PCDHA11: variants seen among roughly 807,000 people sequenced by gnomAD.
PCDHA11 encodes the protein protocadherin alpha-11.
PCDHA11 carries 61 observed loss-of-function variants against 70.3 expected under a neutral mutation model. That is an observed-to-expected ratio of 0.87 (90% CI 0.71 to 1.07). PCDHA11 has a LOEUF of 1.07. Ranked by LOEUF, PCDHA11 falls within the 50% of genes least tolerant of loss-of-function variation. The probability of loss-of-function intolerance (pLI) is 0.00; values close to 1 mark genes in which losing one functional copy is unlikely to be tolerated. For synonymous variants in PCDHA11, 633 were observed against 555.1 expected (o/e 1.14, Z -1.97); for missense variants, 1,324 against 1,237.5 (o/e 1.07, Z -1.05).
At chr5:140,879,303 G>A (rs2057936117) in intron 1 of PCDHA11, among the ~76,000 whole-genome samples, 1 of 152,184 alleles carries the variant, frequency 6.6e-6, no homozygotes. Flanking sequence ...AAAAACAAAA[G>A]TAGAAGTTGA....
chr5:140,967,997 C>T (rs551685820), intron 1 of PCDHA11: 1 of 1,614,102 alleles, frequency 6.2e-7, no homozygotes, highest in Non-Finnish European at 8.5e-7. Flanking sequence ...ACTGCCTTTC[C>T]GACTGAATGG....
chr5:140,972,355 G>A (rs1190163389), intron 1 of PCDHA11, among the ~76,000 whole-genome samples: 3 of 150,946 alleles, frequency 2.0e-5, no homozygotes, highest in Admixed American at 2.0e-4. Context: ...TCACTATGTT[G>A]CACATGCTGT....
chr5:140,872,623 T>C (rs960064096), intron 1 of PCDHA11, among the ~76,000 whole-genome samples: 3 of 152,152 alleles, frequency 2.0e-5, no homozygotes, highest in African/African-American at 4.8e-5. Flanking sequence ...TTGCCTGTTC[T>C]TGATTTTGTT....
intron 1 of PCDHA11, among the ~76,000 whole-genome samples, chr5:140,970,348 T>A (rs2096398928): frequency 6.6e-6 from 1 of 152,186 alleles, no homozygotes; most frequent in Admixed American, 6.5e-5. Context: ...ATTTTCTGGA[T>A]CTAAAATTTG....
At chr5:140,893,898 C>T (rs2064223960) in intron 1 of PCDHA11, among the ~76,000 whole-genome samples, 9 of 152,114 alleles carry the variant, frequency 5.9e-5, no homozygotes, top group Admixed American at 5.2e-4. Flanking sequence ...GTTACTTTAC[C>T]TTCTGAATTT....
At chr5:140,912,523 A>G (rs550105639) in intron 1 of PCDHA11, among the ~76,000 whole-genome samples, 1 of 152,248 alleles carries the variant, frequency 6.6e-6, no homozygotes, top group East Asian at 1.9e-4. Context: ...TAGGGTTTTC[A>G]GAGTACATGA....
chr5:140,996,164 T>C (rs934521653), intron 3 of PCDHA11, among the ~76,000 whole-genome samples: 2 of 152,246 alleles, frequency 1.3e-5, no homozygotes, highest in African/African-American at 4.8e-5. Context: ...TATACTGCAA[T>C]GTGCTGACAG....
At chr5:140,920,632 T>G (rs1054888668) in intron 1 of PCDHA11, among the ~76,000 whole-genome samples, 1 of 152,018 alleles carries the variant, frequency 6.6e-6, no homozygotes, top group South Asian at 2.1e-4. Context: ...GATCACAAGG[T>G]CAAGAGATTG....
intron 1 of PCDHA11, among the ~76,000 whole-genome samples, chr5:140,886,846 AAG>A (rs1345370045): frequency 2.0e-5 from 3 of 151,444 alleles, no homozygotes; most frequent in Admixed American, 6.6e-5. Context: ...AAAAAAAAAA[AAG>A]AAAGGTCTTC....
Position 140,883,949 on chromosome 5 carries a change from A to C in PCDHA11, c.2391+12455A>C, listed in dbSNP as rs566235340. On this transcript the variant is annotated intron_variant, in intron 1 of 3. Transcript: ENST00000398640. ...GGTGTTCGTGCTGGACGAGAACGAC[A>C]ACGCTCCGGCGCTGCTGACGCCCGG... 178 of 1,613,356 alleles carry C rather than the reference A, an allele frequency of 1.1e-4. 5 individuals carry two copies. The South Asian group carries it at 1.9e-3, about 18-fold the overall frequency.
chr5:140,926,805 G>A, intron 1 of PCDHA11: 2 of 1,452,468 alleles, frequency 1.4e-6, no homozygotes, highest in Non-Finnish European at 9.0e-7. Flanking sequence ...GCTCTTCCCC[G>A]CGGCTCGTGC....
rs782577579 is a variant in PCDHA11, at chr5:140,978,981, T to G, written c.2424T>G (p.Ser808=). The G allele has an allele frequency of 1.4e-5, 22 of 1,614,096 alleles. No individual in the cohort carries two copies. Among genetic ancestry groups the G allele is most frequent in the Non-Finnish European group, 1.8e-5 (21 of 1,180,040 alleles). The change falls in exon 2 of 4, where the codon TCT becomes TCG. Residue 808 remains serine (S), a synonymous_variant. Transcript: ENST00000398640. ...PRQPNPDWRY[S]ASLRAGMHSS... ...AGCCCAACCCTGACTGGCGTTACTC[T>G]GCCTCCCTGAGAGCAGGCATGCACA... is the stretch of plus-strand genomic sequence containing the variant.
chr5:140,928,687 C>G (rs782599747), intron 1 of PCDHA11: 1 of 1,614,142 alleles, frequency 6.2e-7, no homozygotes, highest in Non-Finnish European at 8.5e-7. Flanking sequence ...GCTTTCCTAC[C>G]ACATCTCCCG....
In PCDHA11 at chr5:140,871,130, A is replaced by T; in HGVS notation, c.2027A>T (p.Lys676Met). The change falls in exon 1 of 4, where the codon AAG becomes ATG. Residue 676 changes from lysine to methionine, a missense_variant. Lys to Met is a moderately conservative substitution (Grantham distance 95). Coordinates refer to ENST00000398640, the MANE Select transcript of PCDHA11 (RefSeq NM_018902.5). ...TTGGTGGAGAGCGGACAGGCGCCAA[A>T]GGCCTCTTCCCGGACTTTGGCGGGC... ...VSLVESGQAPKASSRTLAGAA... is the reference protein window; with the variant it reads ...VSLVESGQAPMASSRTLAGAA... The T allele has an allele frequency of 6.2e-7, 1 of 1,613,360 alleles. No homozygotes were observed. The highest frequency in any genetic ancestry group is 8.5e-7 in the Non-Finnish European group (1 of 1,179,878).
chr5:140,883,581 C>A, intron 1 of PCDHA11: 2 of 1,614,018 alleles, frequency 1.2e-6, no homozygotes, highest in Non-Finnish European at 1.7e-6. Flanking sequence ...CTGTGGGCCA[C>A]GGCCAGCGTG....
At chr5:140,874,144 T>A (rs1554167057) in intron 1 of PCDHA11, among the ~76,000 whole-genome samples, 1 of 152,244 alleles carries the variant, frequency 6.6e-6, no homozygotes, top group Non-Finnish European at 1.5e-5. Context: ...CTTATACTTG[T>A]AGAGCCATTC....
chr5:140,927,826 G>A (rs782694866), intron 1 of PCDHA11: 1 of 1,614,194 alleles, frequency 6.2e-7, no homozygotes, highest in Middle Eastern at 1.6e-4. Context: ...ATACATTGAG[G>A]CGAGGGACGA....
At chr5:140,903,871 A>G (rs1382306493) in intron 1 of PCDHA11, among the ~76,000 whole-genome samples, 2 of 152,192 alleles carry the variant, frequency 1.3e-5, no homozygotes, top group Non-Finnish European at 2.9e-5. Context: ...GAGTAAAATG[A>G]CAAAGACATT....
chr5:141,001,910 C>T (rs1365182561), intron 3 of PCDHA11, among the ~76,000 whole-genome samples: 1 of 152,196 alleles, frequency 6.6e-6, no homozygotes, highest in Non-Finnish European at 1.5e-5. Flanking sequence ...TTGAAAAAGA[C>T]TGCAGTGGCT....
Sources: allele counts gnomAD v4.1 joint callset (sites outside exome capture counted in the v4.1 genomes callset), GRCh38; gene constraint gnomAD v4.1.1; transcripts MANE v1.5; gene names NCBI Gene and HGNC (gene_info 2026-07-23, HGNC 2026-07-21).